The following P3H2 variants were observed in gnomAD, a reference collection of about 807,000 sequenced individuals.
P3H2 encodes prolyl 3-hydroxylase 2, also known as leprecan-like 1.
A neutral mutation model predicts 87.0 loss-of-function variants in P3H2; 80 were observed. The observed-to-expected ratio is 0.92, with a 90% CI of 0.77 to 1.11. The LOEUF (loss-of-function observed/expected upper bound fraction) is 1.11. Among genes scored for constraint, P3H2 ranks in the 50% least tolerant of loss-of-function variants. The pLI is 0.00. For synonymous variants in P3H2, 367 were observed against 359.3 expected, an observed-to-expected ratio of 1.02 and a Z score of -0.24; for missense variants, 1,001 against 923.9, an observed-to-expected ratio of 1.08 and a Z score of -1.08.
At chr3:190,025,297 C>G (rs1368786188) in intron 1 of P3H2, among the ~76,000 whole-genome samples, 1 of 151,670 alleles carries the variant, frequency 6.6e-6, no homozygotes, top group Non-Finnish European at 1.5e-5. Flanking sequence ...TTTTATTTTT[C>G]TCTTTCGCAG....
intron 8 of P3H2, among the ~76,000 whole-genome samples, chr3:189,982,748 T>C (rs577792132): frequency 6.6e-6 from 1 of 152,354 alleles, no homozygotes; most frequent in Admixed American, 6.5e-5. Flanking sequence ...AGGAAATTGC[T>C]AAGCCTCCGG....
chr3:190,052,284 C>T (rs1035077044), intron 1 of P3H2, among the ~76,000 whole-genome samples: 2 of 151,994 alleles, frequency 1.3e-5, no homozygotes, highest in African/African-American at 4.8e-5. Context: ...ATGTTACCCT[C>T]CCTGGGTCCA....
intron 1 of P3H2, among the ~76,000 whole-genome samples, chr3:190,096,352 C>T (rs1455318879): frequency 1.3e-5 from 2 of 152,146 alleles, no homozygotes; most frequent in Non-Finnish European, 2.9e-5. Flanking sequence ...TGAATTCTCA[C>T]AAGATCTAGT....
In P3H2 at chr3:190,056,164, G is replaced by C. The variant is rs368653645; in HGVS notation, c.481-60722C>G. ...GTAGTGAGAAGATGGCCATCTTTAA[G>C]CCAGGAAGACAGCCTCACCAGAAAC... On this transcript the variant is annotated intron_variant, in intron 1 of 14. Transcript: ENST00000319332. Among the ~76,000 whole-genome samples, 12 of 152,260 alleles carry C rather than the reference G, an allele frequency of 7.9e-5. No individual in the cohort carries two copies. In the East Asian group the frequency reaches 1.4e-3, roughly 17 times the overall value.
chr3:189,960,770 A>G (rs1056939543), intron 14 of P3H2, among the ~76,000 whole-genome samples: 1 of 152,248 alleles, frequency 6.6e-6, no homozygotes, highest in East Asian at 1.9e-4. Context: ...AGTTAAATAA[A>G]TAACTATTTT....
intron 14 of P3H2, among the ~76,000 whole-genome samples, chr3:189,958,849 G>T (rs985947102): frequency 6.6e-6 from 1 of 151,592 alleles, no homozygotes; most frequent in Non-Finnish European, 1.5e-5. Context: ...GTTTACAGGC[G>T]CTCACCACCA....
chr3:190,032,015 T>C (rs997720162), intron 1 of P3H2, among the ~76,000 whole-genome samples: 3 of 152,214 alleles, frequency 2.0e-5, no homozygotes, highest in Non-Finnish European at 4.4e-5. Flanking sequence ...CCTACTGCTA[T>C]ACCTCATAAT....
intron 1 of P3H2, among the ~76,000 whole-genome samples, chr3:190,023,740 C>T (rs114224635): frequency 0.023 from 3,437 of 152,232 alleles, 127 homozygotes; most frequent in African/African-American, 0.077. Context: ...TATTTAAAAG[C>T]ATTGTGCAAG....
chr3:190,074,968 T>C (rs185793149), intron 1 of P3H2, among the ~76,000 whole-genome samples: 47 of 152,320 alleles, frequency 3.1e-4, no homozygotes, highest in South Asian at 2.1e-4. Context: ...CTCTCTAACT[T>C]TGCACTGTGC....
chr3:190,112,584 G>A (rs1343786636), intron 1 of P3H2, among the ~76,000 whole-genome samples: 2 of 152,060 alleles, frequency 1.3e-5, no homozygotes, highest in Non-Finnish European at 2.9e-5. Flanking sequence ...CTTTCATTGT[G>A]TAGACTACTA....
intron 1 of P3H2, among the ~76,000 whole-genome samples, chr3:190,023,478 C>T (rs75199871): frequency 0.023 from 3,455 of 152,200 alleles, 128 homozygotes; most frequent in African/African-American, 0.078. Context: ...CTTTACGAGG[C>T]GGCAGGAAGG....
chr3:189,970,968 G>A, intron 12 of P3H2, 77 bp from the exon 13 acceptor site: 2 of 838,412 alleles, frequency 2.4e-6, no homozygotes, highest in Non-Finnish European at 4.2e-6. Flanking sequence ...GAAGACTGGT[G>A]ATGTACTGTC....
chr3:190,099,616 A>G (rs897635515), intron 1 of P3H2, among the ~76,000 whole-genome samples: 3 of 152,234 alleles, frequency 2.0e-5, no homozygotes, highest in African/African-American at 7.2e-5. Flanking sequence ...AAAGAATGAT[A>G]CAGAACTGAC....
chr3:190,102,787 G>A (rs1023904329), intron 1 of P3H2, among the ~76,000 whole-genome samples: 14 of 152,192 alleles, frequency 9.2e-5, no homozygotes, highest in Non-Finnish European at 1.5e-4. Flanking sequence ...AAACAGCACA[G>A]TATGCTACAG....
chr3:190,089,062 C>T (rs1328023445), intron 1 of P3H2, among the ~76,000 whole-genome samples: 1 of 152,202 alleles, frequency 6.6e-6, no homozygotes, highest in Non-Finnish European at 1.5e-5. Flanking sequence ...TCCACACTGA[C>T]ACCATATTCT....
Position 189,976,885 on chromosome 3 carries a change from T to C in P3H2, c.1325-2200A>G, listed in dbSNP as rs7616144. On this transcript the variant is annotated intron_variant, in intron 8 of 14. Coordinates refer to ENST00000319332, the MANE Select transcript of P3H2 (RefSeq NM_018192.4). ...CACATCTTTTAGTTGAATAGAAAAA[T>C]ATGCTTTTCTACAATTCACTATTTC... Among the ~76,000 whole-genome samples the C allele has an allele frequency of 7.9e-3, 1,199 of 152,288 alleles. 13 individuals are homozygous for C. The highest frequency in any genetic ancestry group is 0.027 in the African/African-American group (1,139 of 41,548).
At chr3:190,095,891 C>A (rs142296189) in intron 1 of P3H2, among the ~76,000 whole-genome samples, 1 of 151,992 alleles carries the variant, frequency 6.6e-6, no homozygotes, top group South Asian at 2.1e-4. Flanking sequence ...CTTGAGCCAC[C>A]GCGCCCGGCC....
chr3:189,991,591 C>G (rs1723878141), intron 3 of P3H2, among the ~76,000 whole-genome samples: 2 of 152,148 alleles, frequency 1.3e-5, no homozygotes, highest in African/African-American at 2.4e-5. Context: ...AGATTGAGCA[C>G]TAAACAGGAC....
chr3:190,064,832 C>T (rs1037123706), intron 1 of P3H2, among the ~76,000 whole-genome samples: 4 of 152,144 alleles, frequency 2.6e-5, no homozygotes, highest in Admixed American at 6.6e-5. Context: ...ATATCAGAGG[C>T]TATAAGATAA....
Sources: gnomAD v4.1 joint callset for allele counts (sites outside exome capture counted in the v4.1 genomes callset) on GRCh38, gnomAD v4.1.1 for gene constraint, MANE v1.5 for transcripts, NCBI Gene and HGNC (gene_info 2026-07-23, HGNC 2026-07-21) for gene names.